Variants in ADAMTS12 observed in about 807,000 individuals in gnomAD.
ADAMTS12 encodes ADAM metallopeptidase with thrombospondin type 1 motif 12, also known as A disintegrin and metalloproteinase with thrombospondin motifs 12.
Under a neutral mutation model 167.8 loss-of-function variants are expected in ADAMTS12, and 118 were observed. That is an observed-to-expected ratio of 0.70 (90% CI 0.61 to 0.82). ADAMTS12 has a LOEUF of 0.82. Ranked by LOEUF, ADAMTS12 falls within the 40% of genes least tolerant of loss-of-function variation. ADAMTS12 has a pLI of 0.00. For missense variants in ADAMTS12, 1,916 were observed against 1,998.8 expected, an observed-to-expected ratio of 0.96 and a Z score of 0.79; for synonymous variants, 704 against 716.9, an observed-to-expected ratio of 0.98 and a Z score of 0.29.
chr5:33,753,197 T>C (rs1209858982), intron 2 of ADAMTS12, among the ~76,000 whole-genome samples: 1 of 152,212 alleles, frequency 6.6e-6, no homozygotes, highest in East Asian at 1.9e-4. Flanking sequence ...AACTGCTTTA[T>C]AAATGCAGAG....
At chr5:33,838,357 C>T (rs1748611682) in intron 2 of ADAMTS12, among the ~76,000 whole-genome samples, 2 of 152,098 alleles carry the variant, frequency 1.3e-5, no homozygotes, top group African/African-American at 4.8e-5. Context: ...TAAATGCAGA[C>T]AAAAAGAATC....
At chr5:33,877,853 A>G (rs1346458315) in intron 2 of ADAMTS12, among the ~76,000 whole-genome samples, 4 of 152,190 alleles carry the variant, frequency 2.6e-5, no homozygotes, top group African/African-American at 9.7e-5. Flanking sequence ...CAAATCACAG[A>G]CAACTCCAAG....
intron 2 of ADAMTS12, among the ~76,000 whole-genome samples, chr5:33,794,117 T>G (rs1410773025): frequency 6.6e-6 from 1 of 152,188 alleles, no homozygotes; most frequent in African/African-American, 2.4e-5. Context: ...CCTCTACCTC[T>G]GTATTTCGCT....
At chr5:33,663,130 A>C (rs576479637) in intron 5 of ADAMTS12, among the ~76,000 whole-genome samples, 1 of 152,386 alleles carries the variant, frequency 6.6e-6, no homozygotes, top group South Asian at 2.1e-4. Context: ...TTGTGAAAAC[A>C]CCGAAAGGTG....
chr5:33,873,136 T>C (rs1273177536), intron 2 of ADAMTS12, among the ~76,000 whole-genome samples: 1 of 151,086 alleles, frequency 6.6e-6, no homozygotes, highest in East Asian at 1.9e-4. Context: ...TAATACTTTG[T>C]TCACAGATGA....
At chr5:33,709,624 A>G (rs1405339919) in intron 3 of ADAMTS12, among the ~76,000 whole-genome samples, 6 of 152,092 alleles carry the variant, frequency 3.9e-5, no homozygotes, top group African/African-American at 1.4e-4. Flanking sequence ...CAAACACTGC[A>G]TGTTCTCACT....
chr5:33,570,599 C>T (rs1746276784), intron 19 of ADAMTS12, among the ~76,000 whole-genome samples: 2 of 152,006 alleles, frequency 1.3e-5, no homozygotes, highest in African/African-American at 4.8e-5. Flanking sequence ...GAAGGAAGCA[C>T]TAAACATGGA....
intron 19 of ADAMTS12, 101 bp downstream of exon 19, chr5:33,575,953 G>T (rs774255323): frequency 1.9e-5 from 28 of 1,477,044 alleles, no homozygotes; most frequent in Non-Finnish European, 2.4e-5. Context: ...TTTCACAATA[G>T]AATATATTTT....
At chr5:33,565,680 T>G (rs1012418443) in intron 19 of ADAMTS12, among the ~76,000 whole-genome samples, 89 of 151,520 alleles carry the variant, frequency 5.9e-4, no homozygotes, top group African/African-American at 1.1e-3. Context: ...GTTTGTTTTT[T>G]TTTTTTTTTT....
At position 33,534,225 on chromosome 5, in the gene ADAMTS12, T is replaced by G. The variant is rs573997911; in HGVS notation, c.4606+608A>C. On this transcript the variant is annotated intron_variant, in intron 23 of 23. Coordinates refer to ENST00000504830, the MANE Select transcript of ADAMTS12 (RefSeq NM_030955.4). ...ACTTACTGGCTCAGGAGTGGACAACTTGGGGGTATAACTTGTGCTCTGGAG... is the reference window on the plus strand; with the variant it reads ...ACTTACTGGCTCAGGAGTGGACAACGTGGGGGTATAACTTGTGCTCTGGAG... Among the ~76,000 whole-genome samples the G allele has an allele frequency of 5.3e-5, 8 of 152,202 alleles. No homozygotes were observed. In the South Asian group the frequency reaches 1.3e-3, roughly 24 times the overall value.
At chr5:33,862,269 G>C (rs554976080) in intron 2 of ADAMTS12, among the ~76,000 whole-genome samples, 26 of 152,104 alleles carry the variant, frequency 1.7e-4, no homozygotes, top group African/African-American at 5.8e-4. Flanking sequence ...TAACAAAATA[G>C]ATAGACCACC....
rs567537465 is a variant in ADAMTS12, at chr5:33,620,691, G to A, written c.2143+3540C>T. ...TTTTAACTTTTTATAATAGATTTGT[G>A]TATATTTTATGGTAGTAAATGATAA... On this transcript the variant is annotated intron_variant, in intron 14 of 23. Coordinates refer to ENST00000504830, the MANE Select transcript of ADAMTS12 (RefSeq NM_030955.4). 4.6e-5 allele frequency among the ~76,000 whole-genome samples: 7 copies of A among 152,162 alleles called. No individual in the cohort carries two copies. In the East Asian group the frequency reaches 1.3e-3, roughly 29 times the overall value.
intron 16 of ADAMTS12, chr5:33,603,771 A>G (rs1738297202): frequency 8.3e-6 from 1 of 120,108 alleles, no homozygotes; most frequent in African/African-American, 3.2e-5. Context: ...AGAAAACAAC[A>G]TCTTAGTGAA....
At chr5:33,691,764 T>C (rs544237269) in intron 3 of ADAMTS12, among the ~76,000 whole-genome samples, 1 of 152,344 alleles carries the variant, frequency 6.6e-6, no homozygotes, top group Non-Finnish European at 1.5e-5. Flanking sequence ...TTCCACATCC[T>C]GGCAGCACTT....
chr5:33,881,584 GGA>G, intron 1 of ADAMTS12, 104 bp from the exon 2 acceptor site: 6 of 1,447,796 alleles, frequency 4.1e-6, no homozygotes, highest in Non-Finnish European at 5.5e-6. Flanking sequence ...TTTTGGAAAT[GGA>G]GTTTTGCTCT....
intron 2 of ADAMTS12, among the ~76,000 whole-genome samples, chr5:33,791,385 A>T (rs148791606): frequency 6.6e-6 from 1 of 152,298 alleles, no homozygotes; most frequent in African/African-American, 2.4e-5. Context: ...GTTGGTCTCA[A>T]TCTCTTTCAG....
intron 16 of ADAMTS12, among the ~76,000 whole-genome samples, chr5:33,611,483 C>T (rs944413064): frequency 6.6e-6 from 1 of 151,644 alleles, no homozygotes; most frequent in East Asian, 1.9e-4. Context: ...GAAAATAACA[C>T]AATAATTAAA....
intron 3 of ADAMTS12, among the ~76,000 whole-genome samples, chr5:33,707,233 TC>T (rs1362343884): frequency 1.3e-5 from 2 of 151,888 alleles, no homozygotes; most frequent in Non-Finnish European, 1.5e-5. Context: ...TACCTAAGAA[TC>T]CAACTTACAA....
At chr5:33,766,502 A>G (rs922601142) in intron 2 of ADAMTS12, among the ~76,000 whole-genome samples, 3 of 152,186 alleles carry the variant, frequency 2.0e-5, no homozygotes, top group African/African-American at 7.2e-5. Flanking sequence ...AATAAAGTGT[A>G]TAACTGAGTT....
Sources: gnomAD v4.1 joint callset for allele counts (sites outside exome capture counted in the v4.1 genomes callset) on GRCh38, gnomAD v4.1.1 for gene constraint, MANE v1.5 for transcripts, NCBI Gene and HGNC (gene_info 2026-07-23, HGNC 2026-07-21) for gene names.